Variants in FGF12 observed in about 807,000 individuals in gnomAD.
FGF12 encodes the protein fibroblast growth factor 12.
In FGF12, 14 loss-of-function variants were observed where a neutral mutation model predicts 23.6. That is an observed-to-expected ratio of 0.59 (90% CI 0.39 to 0.93). The LOEUF (loss-of-function observed/expected upper bound fraction) is 0.93. Ranked by LOEUF, FGF12 falls within the 40% of genes least tolerant of loss-of-function variation. The pLI, the probability that FGF12 is intolerant of heterozygous loss-of-function variation, is 0.00. For missense variants in FGF12, 175 were observed against 217.8 expected (o/e 0.80, Z 1.24); for synonymous variants, 62 against 77.3 (o/e 0.80, Z 1.04).
At chr3:192,415,697 A>G (rs1721325691) in intron 2 of FGF12, among the ~76,000 whole-genome samples, 1 of 148,616 alleles carries the variant, frequency 6.7e-6, no homozygotes, top group Non-Finnish European at 1.5e-5. Flanking sequence ...CTAGGCCTAT[A>G]TTTTCAGTTC....
chr3:192,622,739 G>A (rs1715018122), intron 2 of FGF12, among the ~76,000 whole-genome samples: 1 of 152,094 alleles, frequency 6.6e-6, no homozygotes, highest in Non-Finnish European at 1.5e-5. Flanking sequence ...CAAATAAACA[G>A]ATTTCTCACT....
intron 3 of FGF12, among the ~76,000 whole-genome samples, chr3:192,352,085 A>G (rs1183478232): frequency 6.6e-6 from 1 of 151,696 alleles, no homozygotes; most frequent in East Asian, 1.9e-4. Flanking sequence ...TTGATCATAT[A>G]TCTGTCCAGA....
At chr3:192,575,030 C>A (rs566714547) in intron 2 of FGF12, among the ~76,000 whole-genome samples, 1 of 152,260 alleles carries the variant, frequency 6.6e-6, no homozygotes, top group East Asian at 1.9e-4. Flanking sequence ...TATGGTATAT[C>A]CATACAATGG....
chr3:192,466,395 ACG>A (rs1242311658), intron 2 of FGF12, among the ~76,000 whole-genome samples: 1 of 152,126 alleles, frequency 6.6e-6, no homozygotes, highest in African/African-American at 2.4e-5. Context: ...ACACACACAC[ACG>A]CACTCAGAGA....
At chr3:192,543,286 T>C (rs1725417269) in intron 2 of FGF12, among the ~76,000 whole-genome samples, 1 of 152,066 alleles carries the variant, frequency 6.6e-6, no homozygotes. Flanking sequence ...GTGGCCACCC[T>C]TGCCCCAGAC....
intron 2 of FGF12, among the ~76,000 whole-genome samples, chr3:192,596,666 A>T (rs1827546): frequency 1.3e-5 from 2 of 152,040 alleles, no homozygotes; most frequent in African/African-American, 2.4e-5. Flanking sequence ...TAGATTAAAA[A>T]TGCCATGAGG....
intron 2 of FGF12, among the ~76,000 whole-genome samples, chr3:192,390,582 G>A (rs893920307): frequency 6.6e-6 from 1 of 152,128 alleles, no homozygotes; most frequent in Non-Finnish European, 1.5e-5. Flanking sequence ...ATGGCAGAAG[G>A]GATGAAGAAA....
chr3:192,342,598 C>T (rs995785854), intron 3 of FGF12, among the ~76,000 whole-genome samples: 5 of 151,980 alleles, frequency 3.3e-5, no homozygotes, highest in African/African-American at 1.2e-4. Context: ...CAGGGAGACT[C>T]CATCTCTGTA....
intron 4 of FGF12, among the ~76,000 whole-genome samples, chr3:192,315,615 T>C (rs1281309125): frequency 2.0e-5 from 3 of 152,008 alleles, no homozygotes; most frequent in Non-Finnish European, 4.4e-5. Flanking sequence ...TAGCCAATAC[T>C]TTTTTAGGAT....
chr3:192,457,522 C>T (rs1560117023), intron 2 of FGF12, among the ~76,000 whole-genome samples: 1 of 152,150 alleles, frequency 6.6e-6, no homozygotes, highest in Non-Finnish European at 1.5e-5. Context: ...AGCAAAGAGA[C>T]TGGTGGCATT....
rs573490847 is a variant in FGF12 at position 192,634,766 on chromosome 3, AAATT to A, written c.13+92411_13+92414del. ...TTAAATTACTTAAAATTAATTAGCTAAATTAATTAATTTATATATTTAAGAAGAA... is the reference window on the plus strand; with the variant it reads ...TTAAATTACTTAAAATTAATTAGCTAAATTAATTTATATATTTAAGAAGAA... On this transcript the variant is annotated intron_variant, in intron 2 of 5. Transcript: ENST00000445105. Among the ~76,000 whole-genome samples, 120 of 152,296 alleles carry A rather than the reference AAATT, an allele frequency of 7.9e-4. 1 individual carries two copies. The South Asian group carries it at 0.024, about 31-fold the overall frequency.
intron 2 of FGF12, among the ~76,000 whole-genome samples, chr3:192,623,685 A>G (rs946142579): frequency 6.6e-6 from 1 of 152,208 alleles, no homozygotes; most frequent in African/African-American, 2.4e-5. Flanking sequence ...TGTAAAGAAC[A>G]TAAACGAGTC....
intron 2 of FGF12, among the ~76,000 whole-genome samples, chr3:192,666,631 A>G (rs1017273342): frequency 7.2e-5 from 11 of 152,232 alleles, no homozygotes; most frequent in African/African-American, 2.7e-4. Context: ...ACTGGAAATT[A>G]CCATGGAGGT....
At chr3:192,673,508 T>C (rs942893240) in intron 2 of FGF12, among the ~76,000 whole-genome samples, 1 of 150,828 alleles carries the variant, frequency 6.6e-6, no homozygotes, top group Non-Finnish European at 1.5e-5. Flanking sequence ...AAGCCCCCCA[T>C]GCATTAGCCA....
chr3:192,620,753 G>T (rs150502354), intron 2 of FGF12, among the ~76,000 whole-genome samples: 1 of 152,076 alleles, frequency 6.6e-6, no homozygotes, highest in African/African-American at 2.4e-5. Context: ...CCAGCTGTGA[G>T]CCCCCCAACA....
intron 4 of FGF12, among the ~76,000 whole-genome samples, chr3:192,204,143 T>A (rs1319424012): frequency 1.3e-5 from 2 of 152,108 alleles, no homozygotes; most frequent in Non-Finnish European, 2.9e-5. Context: ...AAAACTGAGT[T>A]GGAAAAAAAA....
chr3:192,688,996 C>T (rs193208448), intron 2 of FGF12, among the ~76,000 whole-genome samples: 66 of 152,292 alleles, frequency 4.3e-4, no homozygotes, highest in African/African-American at 1.5e-3. Context: ...CACAGAAAGA[C>T]ATATGTTCTC....
At chr3:192,196,683 A>G (rs1270975528) in intron 4 of FGF12, among the ~76,000 whole-genome samples, 2 of 152,188 alleles carry the variant, frequency 1.3e-5, no homozygotes, top group African/African-American at 4.8e-5. Context: ...GTCAAAAATA[A>G]CACTCTAAAT....
chr3:192,485,216 A>G (rs1723600937), intron 2 of FGF12, among the ~76,000 whole-genome samples: 1 of 152,158 alleles, frequency 6.6e-6, no homozygotes, highest in African/African-American at 2.4e-5. Flanking sequence ...CTGAGCAATG[A>G]CTTTATTGAC....
Sources: allele counts gnomAD v4.1 joint callset (sites outside exome capture counted in the v4.1 genomes callset), GRCh38; gene constraint gnomAD v4.1.1; transcripts MANE v1.5; gene names NCBI Gene and HGNC (gene_info 2026-07-23, HGNC 2026-07-21).